MTMR3: variants seen among roughly 807,000 people sequenced by gnomAD.
MTMR3 encodes phosphatidylinositol-3,5-bisphosphate 3-phosphatase MTMR3.
Under a neutral mutation model 132.4 loss-of-function variants are expected in MTMR3, and 32 were observed. That is an observed-to-expected ratio of 0.24 (90% CI 0.18 to 0.32). MTMR3 has a LOEUF of 0.32. Among genes scored for constraint, MTMR3 ranks in the 10% least tolerant of loss-of-function variants. The pLI is 1.00. For missense variants in MTMR3, 1,216 were observed against 1,489.6 expected, an observed-to-expected ratio of 0.82 and a Z score of 3.02; for synonymous variants, 556 against 550.3, an observed-to-expected ratio of 1.01 and a Z score of -0.14.
At chr22:29,965,907 G>C (rs377651217) in intron 2 of MTMR3, among the ~76,000 whole-genome samples, 1 of 152,024 alleles carries the variant, frequency 6.6e-6, no homozygotes, top group East Asian at 1.9e-4. Context: ...AGTGCATATT[G>C]ATAGGCTTAC....
At chr22:29,991,308 G>A in intron 6 of MTMR3, 196 bp from the exon 7 acceptor site, 1 of 438,164 alleles carries the variant, frequency 2.3e-6, no homozygotes, top group Non-Finnish European at 3.9e-6. Context: ...CCTCCTTTTG[G>A]ACATTTTGTT....
chr22:30,007,428 G>A (rs891288822), intron 10 of MTMR3, 109 bp downstream of exon 10: 36 of 1,069,408 alleles, frequency 3.4e-5, no homozygotes, highest in Non-Finnish European at 4.8e-5. Context: ...AGAAGTGAAT[G>A]TGCAGAGCTT....
intron 19 of MTMR3, chr22:30,023,588 T>C: frequency 7.1e-7 from 1 of 1,399,972 alleles, no homozygotes; most frequent in Non-Finnish European, 1.0e-6. Flanking sequence ...GGGTGAAGCC[T>C]GGGGCCTTGG....
At chr22:29,973,999 G>A (rs1352966736) in intron 3 of MTMR3, among the ~76,000 whole-genome samples, 2 of 152,166 alleles carry the variant, frequency 1.3e-5, no homozygotes, top group Non-Finnish European at 2.9e-5. Flanking sequence ...GCAGAAACTA[G>A]CCTGGAACTG....
chr22:29,951,775 A>G (rs376996355), intron 1 of MTMR3, among the ~76,000 whole-genome samples: 1 of 152,166 alleles, frequency 6.6e-6, no homozygotes, highest in African/African-American at 2.4e-5. Context: ...ATGTAGTTAC[A>G]TACTTACACA....
At chr22:29,963,504 G>A (rs1045002261) in intron 2 of MTMR3, among the ~76,000 whole-genome samples, 4 of 149,616 alleles carry the variant, frequency 2.7e-5, no homozygotes, top group South Asian at 2.1e-4. Flanking sequence ...ATTCTCCTGC[G>A]TCAGCCTCCC....
intron 1 of MTMR3, among the ~76,000 whole-genome samples, chr22:29,931,013 G>GAAAAAA (rs963131752): frequency 1.4e-5 from 1 of 71,698 alleles, no homozygotes. Context: ...TGTCTCAAAA[G>GAAAAAA]AAAAAAAAAA....
At chr22:29,926,355 C>T (rs1438716677) in intron 1 of MTMR3, among the ~76,000 whole-genome samples, 1 of 152,070 alleles carries the variant, frequency 6.6e-6, no homozygotes, top group Non-Finnish European at 1.5e-5. Flanking sequence ...TCTTTATGTA[C>T]AGATTTTTGT....
rs942677740 is a variant in MTMR3, at chr22:30,020,546, G to T, written c.2887G>T (p.Ala963Ser). ...CAATGGGCATTGCGCCAATGGGGAGGCTGGTAGGAGCAAGGACTCACTGAG... is the reference window on the plus strand; with the variant it reads ...CAATGGGCATTGCGCCAATGGGGAGTCTGGTAGGAGCAAGGACTCACTGAG... ...TPNGHCANGE[A>S]GRSKDSLSRQ... The change falls in exon 17 of 20, where the codon GCT (alanine) becomes TCT (serine). Residue 963 changes from alanine to serine, a missense_variant. Transcript: ENST00000401950. The T allele has an allele frequency of 1.2e-6, 2 of 1,614,196 alleles. No individual in the cohort carries two copies. Among genetic ancestry groups the T allele is most frequent in the Non-Finnish European group, 1.7e-6 (2 of 1,180,050 alleles).
intron 10 of MTMR3, 47 bp from the exon 11 acceptor site, chr22:30,007,854 G>T: frequency 6.2e-7 from 1 of 1,607,626 alleles, no homozygotes. Flanking sequence ...GCACAGTTCT[G>T]GGAGAGACAG....
intron 10 of MTMR3, 112 bp from the exon 11 acceptor site, chr22:30,007,789 T>A: frequency 7.7e-7 from 1 of 1,302,124 alleles, no homozygotes; most frequent in Non-Finnish European, 1.1e-6. Context: ...GGTTAGGGGA[T>A]TTCATTTTAT....
chr22:29,928,834 C>T (rs542852334), intron 1 of MTMR3, among the ~76,000 whole-genome samples: 2 of 152,118 alleles, frequency 1.3e-5, no homozygotes, highest in East Asian at 1.9e-4. Flanking sequence ...TAAAACATGC[C>T]TCAGGGAATA....
Position 30,028,124 on chromosome 22 carries a change from T to G in MTMR3, c.*2323T>G, listed in dbSNP as rs186438685. On this transcript the variant is annotated 3_prime_UTR_variant, in exon 20 of 20. Transcript: ENST00000401950. ...GTCAGGGATCTGACCTGGCAGCTAT[T>G]CCTCCTTCTCTGAAGAGTTCCCATC... The G allele has an allele frequency of 6.6e-6, 1 of 152,496 alleles. No homozygotes were observed. The highest frequency in any genetic ancestry group is 6.5e-5 in the Admixed American group (1 of 15,308). 9.4% of individuals were successfully genotyped at this position (152,496 alleles called of 1,614,324 possible). A position where few individuals can be genotyped will look rare whatever the true frequency, so the allele number is the denominator to read the frequency against.
At chr22:29,970,787 G>A (rs952912878) in intron 2 of MTMR3, among the ~76,000 whole-genome samples, 189 bp from the exon 3 acceptor site, 33 of 152,108 alleles carry the variant, frequency 2.2e-4, no homozygotes, top group African/African-American at 7.9e-4. Flanking sequence ...CTGTCAAATT[G>A]GGATTTGACT....
intron 1 of MTMR3, among the ~76,000 whole-genome samples, chr22:29,906,168 A>G (rs1708110779): frequency 6.6e-6 from 1 of 152,134 alleles, no homozygotes; most frequent in African/African-American, 2.4e-5. Flanking sequence ...TTCAAAGTTC[A>G]TAGGAAAAAC....
intron 7 of MTMR3, chr22:29,993,475 C>T (rs771960150): frequency 3.9e-5 from 6 of 152,042 alleles, no homozygotes; most frequent in Non-Finnish European, 7.4e-5. Flanking sequence ...ATGAGTGCAT[C>T]CTACTGCATT....
chr22:29,986,622 T>G (rs2066862832), intron 5 of MTMR3: 3 of 977,716 alleles, frequency 3.1e-6, no homozygotes, highest in Non-Finnish European at 3.6e-6. Context: ...CAAAAGCTCC[T>G]TTTGTTCTCA....
chr22:29,937,562 T>C (rs991865432), intron 1 of MTMR3, among the ~76,000 whole-genome samples: 1 of 152,124 alleles, frequency 6.6e-6, no homozygotes, highest in Non-Finnish European at 1.5e-5. Context: ...GACTATAGGC[T>C]ACAGGTGCCG....
At chr22:29,924,081 G>C (rs1166902270) in intron 1 of MTMR3, among the ~76,000 whole-genome samples, 2 of 152,054 alleles carry the variant, frequency 1.3e-5, no homozygotes, top group Admixed American at 6.6e-5. Context: ...TGTACTTTTG[G>C]TGTCTTATCC....
Sources: allele counts gnomAD v4.1 joint callset (sites outside exome capture counted in the v4.1 genomes callset), GRCh38; gene constraint gnomAD v4.1.1; transcripts MANE v1.5; gene names NCBI Gene and HGNC (gene_info 2026-07-23, HGNC 2026-07-21).